Variants in TSHZ2 observed in about 807,000 individuals in gnomAD.
TSHZ2 encodes teashirt homolog 2.
A neutral mutation model predicts 74.4 loss-of-function variants in TSHZ2; 21 were observed. The ratio of observed to expected loss-of-function variants is 0.28; its 90% CI spans 0.20 to 0.41. TSHZ2 has a LOEUF of 0.41. Ranked by LOEUF, TSHZ2 falls within the 10% of genes least tolerant of loss-of-function variation. TSHZ2 has a pLI of 1.00. For synonymous variants in TSHZ2, 540 were observed against 515.3 expected (o/e 1.05, Z -0.65); for missense variants, 1,244 against 1,293.5 (o/e 0.96, Z 0.59).
At chr20:53,456,886 C>T (rs1255799399) in intron 2 of TSHZ2, among the ~76,000 whole-genome samples, 2 of 61,432 alleles carry the variant, frequency 3.3e-5, no homozygotes, top group East Asian at 8.4e-4. Flanking sequence ...GGCATTATTT[C>T]TGAGGGCTCT....
intron 2 of TSHZ2, among the ~76,000 whole-genome samples, chr20:53,265,299 A>G (rs762345866): frequency 3.3e-5 from 5 of 152,142 alleles, no homozygotes; most frequent in Non-Finnish European, 7.3e-5. Flanking sequence ...CTTGGAAGAT[A>G]TTAAATTTCA....
chr20:53,438,501 AC>A (rs1213808948), intron 2 of TSHZ2, among the ~76,000 whole-genome samples: 1 of 152,170 alleles, frequency 6.6e-6, no homozygotes, highest in Non-Finnish European at 1.5e-5. Context: ...TCATTGGACT[AC>A]CTAGGGTCGT....
intron 2 of TSHZ2, among the ~76,000 whole-genome samples, chr20:53,481,465 T>A (rs1031263623): frequency 2.6e-5 from 4 of 151,850 alleles, no homozygotes; most frequent in African/African-American, 9.7e-5. Context: ...TCCCAGCTTT[T>A]CAGGAGGCTG....
At chr20:53,177,385 C>T (rs560088453) in intron 1 of TSHZ2, among the ~76,000 whole-genome samples, 34 of 152,148 alleles carry the variant, frequency 2.2e-4, no homozygotes, top group Non-Finnish European at 4.0e-4. Flanking sequence ...TTTTAATGTG[C>T]GTATGAATCT....
At chr20:53,148,844 A>C (rs912918605) in intron 1 of TSHZ2, among the ~76,000 whole-genome samples, 4 of 152,182 alleles carry the variant, frequency 2.6e-5, no homozygotes, top group Non-Finnish European at 5.9e-5. Context: ...AAATGGGGTA[A>C]TTTAGGCTTA....
intron 1 of TSHZ2, among the ~76,000 whole-genome samples, chr20:53,137,691 T>TCTAG (rs1360037140): frequency 6.6e-6 from 1 of 152,130 alleles, no homozygotes; most frequent in South Asian, 2.1e-4. Flanking sequence ...ATCATCGCCC[T>TCTAG]CTAGCTGATC....
At position 53,360,744 on chromosome 20, in the gene TSHZ2, C is replaced by A. The variant is rs534963048; in HGVS notation, c.*8+104173C>A. 2.2e-4 allele frequency among the ~76,000 whole-genome samples: 34 copies of A among 152,264 alleles called. No homozygotes were observed. The East Asian group carries it at 6.4e-3, about 28-fold the overall frequency. On this transcript the variant is annotated intron_variant, in intron 2 of 2. Transcript: ENST00000371497. Reference sequence around the variant, plus strand: ...GATGGGGAAACCAGAGATTAAGTATCTTATACAAGGTACAGAGCTTGTAAA... The same window carrying A: ...GATGGGGAAACCAGAGATTAAGTATATTATACAAGGTACAGAGCTTGTAAA...
Position 53,329,660 on chromosome 20 carries a change from C to T in TSHZ2, c.*8+73089C>T, listed in dbSNP as rs77790497. 1.5e-3 allele frequency among the ~76,000 whole-genome samples: 110 copies of T among 75,182 alleles called. 2 individuals carry two copies. In the East Asian group the frequency reaches 0.029, roughly 19 times the overall value. The allele number at this position is 75,182 out of a possible 152,430, so 49.3% of individuals were successfully genotyped here. ...TTATATGGATAATGGTTGTGGGGGG[C>T]GGGGGAGGGCGTAAAAAGAGGAAGA... is the stretch of plus-strand genomic sequence containing the variant. On this transcript the variant is annotated intron_variant, in intron 2 of 2. Coordinates refer to ENST00000371497, the MANE Select transcript of TSHZ2 (RefSeq NM_173485.6).
At chr20:53,002,057 C>T (rs1329808855) in intron 1 of TSHZ2, among the ~76,000 whole-genome samples, 4 of 152,186 alleles carry the variant, frequency 2.6e-5, no homozygotes, top group Non-Finnish European at 4.4e-5. Context: ...GCTTTTGTCA[C>T]CTTAACTCAC....
chr20:53,349,651 C>CAAAA (rs559107005), intron 2 of TSHZ2, among the ~76,000 whole-genome samples: 1 of 133,374 alleles, frequency 7.5e-6, no homozygotes, highest in Non-Finnish European at 1.6e-5. Context: ...GACCCCACCT[C>CAAAA]AAAAAAAAAA....
intron 2 of TSHZ2, among the ~76,000 whole-genome samples, chr20:53,259,799 C>T (rs2123736372): frequency 6.6e-6 from 1 of 152,224 alleles, no homozygotes; most frequent in South Asian, 2.1e-4. Context: ...TTGCATGGGC[C>T]ATACTTATAT....
At chr20:53,469,626 AAGGGAGGG>A (rs1202477269) in intron 2 of TSHZ2, among the ~76,000 whole-genome samples, 3 of 55,790 alleles carry the variant, frequency 5.4e-5, no homozygotes, top group African/African-American at 1.7e-4. Context: ...GAGAGGGAGG[AAGGGAGGG>A]AGGAAGGAAG....
At chr20:53,391,186 G>A (rs1263564803) in intron 2 of TSHZ2, among the ~76,000 whole-genome samples, 3 of 151,828 alleles carry the variant, frequency 2.0e-5, no homozygotes, top group East Asian at 1.9e-4. Flanking sequence ...TTGCTCTGTC[G>A]CCCAGGCTGG....
chr20:53,286,243 T>A (rs905292964), intron 2 of TSHZ2, among the ~76,000 whole-genome samples: 19 of 152,368 alleles, frequency 1.2e-4, no homozygotes, highest in African/African-American at 4.6e-4. Flanking sequence ...TTAGAATTAT[T>A]GTTGCTATTA....
At chr20:53,362,221 G>C (rs867144679) in intron 2 of TSHZ2, among the ~76,000 whole-genome samples, 2 of 144,982 alleles carry the variant, frequency 1.4e-5, no homozygotes, top group Admixed American at 1.4e-4. Context: ...GTCTCGCTCT[G>C]TTGCCCAGGC....
intron 1 of TSHZ2, among the ~76,000 whole-genome samples, chr20:53,244,385 T>C (rs1418719163): frequency 6.6e-6 from 1 of 152,238 alleles, no homozygotes; most frequent in Non-Finnish European, 1.5e-5. Flanking sequence ...GTCTCAGTTC[T>C]ATTGTGTAGT....
intron 2 of TSHZ2, among the ~76,000 whole-genome samples, chr20:53,410,271 G>C (rs147181211): frequency 7.2e-4 from 109 of 152,224 alleles, no homozygotes; most frequent in African/African-American, 2.6e-3. Context: ...CAGGCCATGG[G>C]CTCTCCCCTA....
chr20:53,141,319 A>C (rs1342006566), intron 1 of TSHZ2, among the ~76,000 whole-genome samples: 4 of 152,216 alleles, frequency 2.6e-5, no homozygotes, highest in Non-Finnish European at 5.9e-5. Flanking sequence ...GGGCATCATT[A>C]GTATCCTTCC....
chr20:53,230,249 T>C (rs1989791727), intron 1 of TSHZ2, among the ~76,000 whole-genome samples: 1 of 152,198 alleles, frequency 6.6e-6, no homozygotes, highest in South Asian at 2.1e-4. Flanking sequence ...ACAACCATAA[T>C]AGAAATAAAT....
Sources: gnomAD v4.1 joint callset for allele counts (sites outside exome capture counted in the v4.1 genomes callset) on GRCh38, gnomAD v4.1.1 for gene constraint, MANE v1.5 for transcripts, NCBI Gene and HGNC (gene_info 2026-07-23, HGNC 2026-07-21) for gene names.